The following DIAPH2 variants were observed in gnomAD, a reference collection of about 807,000 sequenced individuals.
DIAPH2 encodes diaphanous related formin 2.
Under a neutral mutation model 92.7 loss-of-function variants are expected in DIAPH2, and 35 were observed. The observed-to-expected ratio is 0.38, with a 90% CI of 0.29 to 0.50. DIAPH2 has a LOEUF of 0.50. Ranked by LOEUF, DIAPH2 falls within the 20% of genes least tolerant of loss-of-function variation. DIAPH2 has a pLI of 0.94. For missense variants in DIAPH2, 701 were observed against 819.5 expected, an observed-to-expected ratio of 0.86 and a Z score of 1.77; for synonymous variants, 301 against 280.4, an observed-to-expected ratio of 1.07 and a Z score of -0.73.
At chrX:97,474,262 G>A (rs983210487) in intron 26 of DIAPH2, among the ~76,000 whole-genome samples, 1 of 112,351 alleles carries the variant, frequency 8.9e-6, no homozygotes, top group Non-Finnish European at 1.9e-5. Flanking sequence ...AAACAAGATA[G>A]TCTGAAAGTA....
At chrX:97,584,291 T>C (rs1024550163) in intron 26 of DIAPH2, among the ~76,000 whole-genome samples, 3 of 112,199 alleles carry the variant, frequency 2.7e-5, no homozygotes, top group African/African-American at 9.7e-5. Flanking sequence ...AAATTTTAGG[T>C]GTAGTAAAAG....
At chrX:97,265,574 A>T (rs771969137) in intron 23 of DIAPH2, among the ~76,000 whole-genome samples, 1 of 112,145 alleles carries the variant, frequency 8.9e-6, no homozygotes, top group East Asian at 2.8e-4. Flanking sequence ...TGAAATATAG[A>T]AAGATTCCAG....
At chrX:97,253,324 GAA>G (rs1249933753) in intron 23 of DIAPH2, among the ~76,000 whole-genome samples, 2 of 23,612 alleles carry the variant, frequency 8.5e-5, no homozygotes, top group Non-Finnish European at 2.7e-4. Flanking sequence ...AAAAAAAGAG[GAA>G]AAGAGTGCTT....
At chrX:97,483,419 GTT>G (rs1290460599) in intron 26 of DIAPH2, among the ~76,000 whole-genome samples, 1 of 111,204 alleles carries the variant, frequency 9.0e-6, no homozygotes, top group African/African-American at 3.3e-5. Flanking sequence ...GAGAGAAAGA[GTT>G]TTTTAAAGTA....
At chrX:97,342,447 T>A (rs1271396744) in intron 23 of DIAPH2, among the ~76,000 whole-genome samples, 2 of 112,631 alleles carry the variant, frequency 1.8e-5, no homozygotes, top group Non-Finnish European at 3.7e-5. Context: ...TGTGACCTTA[T>A]GCAATTATTT....
intron 20 of DIAPH2, 92 bp downstream of exon 20, chrX:97,099,887 T>C: frequency 4.9e-6 from 2 of 409,666 alleles, no homozygotes; most frequent in Non-Finnish European, 4.0e-6. Flanking sequence ...TTGTCAATTA[T>C]TTTTTCATTA....
intron 23 of DIAPH2, among the ~76,000 whole-genome samples, chrX:97,292,758 C>T (rs2068604822): frequency 9.0e-6 from 1 of 111,103 alleles, no homozygotes; most frequent in South Asian, 3.8e-4. Context: ...AGCTCCTCAA[C>T]TCACTCAAGA....
At chrX:96,856,006 G>A (rs1218685411) in intron 4 of DIAPH2, among the ~76,000 whole-genome samples, 4 of 111,956 alleles carry the variant, frequency 3.6e-5, no homozygotes, top group Non-Finnish European at 5.6e-5. Context: ...ATGGAGTATT[G>A]AGAAGGAATA....
chrX:97,467,069 GAA>G (rs958329511), intron 26 of DIAPH2, among the ~76,000 whole-genome samples: 4 of 112,071 alleles, frequency 3.6e-5, no homozygotes, highest in African/African-American at 1.3e-4. Flanking sequence ...TAAGAGGAAT[GAA>G]AGACAATTTA....
At chrX:97,202,391 C>T (rs747318703) in intron 22 of DIAPH2, among the ~76,000 whole-genome samples, 1 of 111,767 alleles carries the variant, frequency 8.9e-6, no homozygotes, top group Non-Finnish European at 1.9e-5. Flanking sequence ...AGTGAAGACA[C>T]ATCAGTGTGC....
chrX:96,945,866 G>T (rs2065735373), intron 14 of DIAPH2, among the ~76,000 whole-genome samples: 1 of 111,765 alleles, frequency 8.9e-6, no homozygotes, highest in South Asian at 3.7e-4. Flanking sequence ...TGCTGAAAGG[G>T]TATAGTTGGA....
intron 23 of DIAPH2, among the ~76,000 whole-genome samples, chrX:97,314,335 C>T (rs1412374680): frequency 9.1e-6 from 1 of 110,428 alleles, no homozygotes; most frequent in Non-Finnish European, 1.9e-5. Context: ...ATCACTTTAG[C>T]CCTGAAGGTT....
In DIAPH2 at chrX:96,856,637, C is replaced by A. The variant is rs1001429003; in HGVS notation, c.448-24942C>A. 5.5e-5 allele frequency among the ~76,000 whole-genome samples: 6 copies of A among 109,924 alleles called. No individual in the cohort carries two copies. The Admixed American group carries it at 5.9e-4, about 11-fold the overall frequency. ...GGGTAAACACAATAAGCTTACTGAT[C>A]ATTCAAAACTGCCTGTACCTACTCA... On this transcript the variant is annotated intron_variant, in intron 4 of 26. Transcript: ENST00000324765.
At chrX:97,437,804 G>C (rs2070203962) in intron 26 of DIAPH2, among the ~76,000 whole-genome samples, 1 of 109,146 alleles carries the variant, frequency 9.2e-6, no homozygotes, top group Non-Finnish European at 1.9e-5. Flanking sequence ...ACGTAAATGA[G>C]TTTGAGGCTG....
At chrX:96,710,835 G>T (rs903508653) in intron 1 of DIAPH2, among the ~76,000 whole-genome samples, 1 of 111,347 alleles carries the variant, frequency 9.0e-6, no homozygotes, top group African/African-American at 3.3e-5. Context: ...CCAATGTGTA[G>T]TCTTTTATCC....
intron 4 of DIAPH2, among the ~76,000 whole-genome samples, chrX:96,820,975 C>A (rs1444321161): frequency 1.8e-5 from 2 of 111,669 alleles, no homozygotes; most frequent in Non-Finnish European, 3.8e-5. Context: ...CCTTTCTAGG[C>A]TGAGGGAACA....
intron 1 of DIAPH2, among the ~76,000 whole-genome samples, chrX:96,689,564 C>T (rs1385572853): frequency 2.7e-5 from 3 of 109,644 alleles, no homozygotes; most frequent in Non-Finnish European, 5.7e-5. Context: ...CTTCTGCCAC[C>T]TCCCTTGCCT....
intron 3 of DIAPH2, among the ~76,000 whole-genome samples, chrX:96,743,098 T>A (rs2064129908): frequency 8.9e-6 from 1 of 112,793 alleles, no homozygotes; most frequent in African/African-American, 3.2e-5. Context: ...TATGATTTTT[T>A]TTAAAAAAGG....
At chrX:97,568,919 A>AGAT (rs1361491017) in intron 26 of DIAPH2, among the ~76,000 whole-genome samples, 1 of 112,048 alleles carries the variant, frequency 8.9e-6, no homozygotes, top group Non-Finnish European at 1.9e-5. Context: ...CATAAAGAAT[A>AGAT]GATGCAAAAA....
Sources: allele counts gnomAD v4.1 joint callset (sites outside exome capture counted in the v4.1 genomes callset), GRCh38; gene constraint gnomAD v4.1.1; transcripts MANE v1.5; gene names NCBI Gene and HGNC (gene_info 2026-07-23, HGNC 2026-07-21).